The following FAM171A2 variants were observed in gnomAD, a reference collection of about 807,000 sequenced individuals.
FAM171A2 encodes the protein family with sequence similarity 171 member A2.
A neutral mutation model predicts 34.2 loss-of-function variants in FAM171A2; 13 were observed. That is an observed-to-expected ratio of 0.38 (90% CI 0.25 to 0.60). FAM171A2 has a LOEUF of 0.60. Among genes scored for constraint, FAM171A2 ranks in the 20% least tolerant of loss-of-function variants. The probability of loss-of-function intolerance (pLI) is 0.62; values close to 1 mark genes in which losing one functional copy is unlikely to be tolerated. For missense variants in FAM171A2, 950 were observed against 1,180.7 expected (o/e 0.80, Z 2.86); for synonymous variants, 475 against 561.2 (o/e 0.85, Z 2.17).
rs868817215 is a variant in FAM171A2, at chr17:44,363,837, C to A, written c.-123G>T. The A allele has an allele frequency of 2.7e-6, 1 of 365,106 alleles. No individual in the cohort carries two copies. 22.6% of individuals were successfully genotyped at this position (365,106 alleles called of 1,614,324 possible). A position where few individuals can be genotyped will look rare whatever the true frequency, so the allele number is the denominator to read the frequency against. ...CGGCTCCCGCTCCCGCTGCGGCGCC[C>A]GCTCAGCGCGATTGTCTCCGACCGG... is the stretch of plus-strand genomic sequence containing the variant. On this transcript the variant is annotated 5_prime_UTR_variant, in exon 1 of 8. Coordinates refer to ENST00000293443, the MANE Select transcript of FAM171A2 (RefSeq NM_198475.3).
Position 44,361,291 on chromosome 17 carries a change from C to T in FAM171A2, c.119-1159G>A, listed in dbSNP as rs548359512. The stretch of plus-strand genomic sequence containing the variant: ...CAGCCCCTCCCTCAAGAACACACTT[C>T]GCCCCTACCTTCCTGCTAACAAGGT... On this transcript the variant is annotated intron_variant, in intron 1 of 7. Transcript: ENST00000293443. Among the ~76,000 whole-genome samples, 33 of 152,342 alleles carry T rather than the reference C, an allele frequency of 2.2e-4. 2 individuals carry two copies. In the South Asian group the frequency reaches 6.2e-3, roughly 29 times the overall value.
In FAM171A2 at chr17:44,354,491, C is replaced by A. The variant is rs1243894741; in HGVS notation, c.1723G>T (p.Ala575Ser). 1.2e-5 allele frequency: 13 copies of A among 1,079,924 alleles called. No individual in the cohort carries two copies. The highest frequency in any genetic ancestry group is 1.5e-5 in the Non-Finnish European group (13 of 891,412). The allele number at this position is 1,079,924 out of a possible 1,614,324, so 66.9% of individuals were successfully genotyped here. ...CGCTGGGGGTCGGGCTGGGGAAAAG[C>A]GCGCGCCGGGCCGGGTGCCGTGCCC... ...PEGTAPGPARAFPQPDPQRPQ... is the reference protein window; with the variant it reads ...PEGTAPGPARSFPQPDPQRPQ... The change falls in exon 8 of 8, where the codon GCT (alanine) becomes TCT (serine). Residue 575 changes from alanine (A) to serine (S), a missense_variant. Physicochemically the swap from Ala to Ser is moderately conservative, Grantham distance 99 (BLOSUM62 1). Coordinates refer to ENST00000293443, the MANE Select transcript of FAM171A2 (RefSeq NM_198475.3). This position sits in a 1 kb window ranked among gnomAD's most constrained non-coding sequence, Gnocchi z 5.8.
rs371047701 is a variant in FAM171A2 at position 44,359,580 on chromosome 17, G to A, written c.438C>T (p.Pro146=). The A allele has an allele frequency of 1.9e-5, 29 of 1,551,032 alleles. No homozygotes were observed. In the African/African-American group the frequency reaches 2.1e-4, roughly 11 times the overall value. Residue 146 remains proline (P), a splice_region_variant and synonymous_variant, in exon 3 of 8, where the codon CCC becomes CCT. Coordinates refer to ENST00000293443, the MANE Select transcript of FAM171A2 (RefSeq NM_198475.3). The part of the protein sequence containing the change: ...EDLVHILLGS[P]GARSQPLVQF... Reference sequence around the variant, plus strand: ...GGCGTGGGTGAGGGGGAGCCTTACCGGGAGAGCCTAGGAGAATGTGCACCA... The same window carrying A: ...GGCGTGGGTGAGGGGGAGCCTTACCAGGAGAGCCTAGGAGAATGTGCACCA...
At position 44,355,186 on chromosome 17, in the gene FAM171A2, C is replaced by A. The variant is rs956596050; in HGVS notation, c.1028G>T (p.Arg343Leu). ...GTGCTGTTGCCTCGGCTTCAGGCAG[C>A]GCCTCCTGGAAGGGAGGGAGCAGAA... ...LCLLIYYCRR[R>L]CLKPRQQHRK... The change falls in exon 8 of 8, where the codon CGC becomes CTC. Residue 343 changes from arginine (R) to leucine (L), a missense_variant. Arg to Leu is a moderately radical substitution (Grantham distance 102). This residue lies in a region of FAM171A2 where 752 missense variants were observed against 924.5 expected (regional missense o/e 0.81). Coordinates refer to ENST00000293443, the MANE Select transcript of FAM171A2 (RefSeq NM_198475.3). The surrounding 1 kb of genome is among the most constrained non-coding windows in gnomAD (Gnocchi z 4.1). 2 of 1,550,298 alleles carry A rather than the reference C, an allele frequency of 1.3e-6. No individual in the cohort carries two copies. The highest frequency in any genetic ancestry group is 1.7e-6 in the Non-Finnish European group (2 of 1,146,752).
At chr17:44,360,439 T>C (rs2048443767) in intron 1 of FAM171A2, among the ~76,000 whole-genome samples, 1 of 152,242 alleles carries the variant, frequency 6.6e-6, no homozygotes, top group Admixed American at 6.5e-5. Flanking sequence ...CATTTCTTCC[T>C]TTCTTACTGG....
chr17:44,355,673 C>G lies in FAM171A2; in HGVS notation c.1022+42G>C. 1.9e-6 allele frequency: 3 copies of G among 1,549,704 alleles called. No homozygotes were observed. The highest frequency in any genetic ancestry group is 1.2e-5 in the South Asian group (1 of 83,966). The stretch of plus-strand genomic sequence containing the variant: ...TATGCATCTTTGGGGCCCCAGGGCC[C>G]GGTACAAGTGCAGGGGAGGGTGAGG... On this transcript the variant is annotated intron_variant, in intron 7 of 7. Transcript: ENST00000293443. The surrounding 1 kb of genome is among the most constrained non-coding windows in gnomAD (Gnocchi z 4.1).
rs2048412603 is a variant in FAM171A2 at position 44,354,747 on chromosome 17, C to T, written c.1467G>A (p.Gly489=). ...AGTCGGGGGTCTTGCCCTCGGCCGC[C>T]CCCTTGTGGCCCAGGTAGTGGTCGA... is the stretch of plus-strand genomic sequence containing the variant. ...PPFDHYLGHK[G]AAEGKTPDFL... The change falls in exon 8 of 8, where the codon GGG becomes GGA. Residue 489 remains glycine (G), a synonymous_variant. Coordinates refer to ENST00000293443, the MANE Select transcript of FAM171A2 (RefSeq NM_198475.3). The surrounding 1 kb of genome is among the most constrained non-coding windows in gnomAD (Gnocchi z 5.8). 1.5e-6 allele frequency: 2 copies of T among 1,309,130 alleles called. No individual in the cohort carries two copies. The highest frequency in any genetic ancestry group is 4.0e-5 in the Admixed American group (1 of 24,828). 81.1% of individuals were successfully genotyped at this position (1,309,130 alleles called of 1,614,324 possible). A position where few individuals can be genotyped will look rare whatever the true frequency, so the allele number is the denominator to read the frequency against.
intron 3 of FAM171A2, 58 bp from the exon 4 acceptor site, chr17:44,356,646 G>T: frequency 6.8e-7 from 1 of 1,469,892 alleles, no homozygotes; most frequent in South Asian, 1.4e-5. Flanking sequence ...CCAGGGACCA[G>T]AGCAGAAACC....
chr17:44,360,083 C>G lies in FAM171A2; in HGVS notation c.168G>C (p.Leu56=), dbSNP rs983855870. Residue 56 remains leucine, a synonymous_variant, in exon 2 of 8, where the codon CTG becomes CTC. Coordinates refer to ENST00000293443, the MANE Select transcript of FAM171A2 (RefSeq NM_198475.3). ...QVYVSGELVP[L]ARASVDVFGN... is the part of the protein sequence containing the mutation. ...CAAACACATCCACTGAGGCCCGGGC[C>G]AGGGGCACCAGCTCCCCGCTCACAT... is the stretch of plus-strand genomic sequence containing the variant. 6 of 1,551,598 alleles carry G rather than the reference C, an allele frequency of 3.9e-6. No homozygotes were observed. In the African/African-American group the frequency reaches 6.8e-5, roughly 18 times the overall value.
In FAM171A2 at chr17:44,353,526, G is replaced by GA. The variant is rs2048400204; in HGVS notation, c.*206dup. ...CCCGGCACCTCCCCGTGGGGGTCTG[G>GA]ACCCCCCCTCCTCCCCGGCTTGGAG... On this transcript the variant is annotated 3_prime_UTR_variant, in exon 8 of 8. Transcript: ENST00000293443. 1 of 291,766 alleles carries GA rather than the reference G, an allele frequency of 3.4e-6. No homozygotes were observed. The highest frequency in any genetic ancestry group is 6.0e-6 in the Non-Finnish European group (1 of 167,268). 18.1% of individuals were successfully genotyped at this position (291,766 alleles called of 1,614,324 possible). A position where few individuals can be genotyped will look rare whatever the true frequency, so the allele number is the denominator to read the frequency against.
chr17:44,359,445 C>G, intron 3 of FAM171A2, 134 bp downstream of exon 3: 1 of 718,782 alleles, frequency 1.4e-6, no homozygotes, highest in Non-Finnish European at 2.4e-6. Flanking sequence ...CCACGTCTTA[C>G]AAATGAGCAA....
intron 1 of FAM171A2, among the ~76,000 whole-genome samples, chr17:44,361,212 C>T (rs2048446588): frequency 6.6e-6 from 1 of 152,222 alleles, no homozygotes; most frequent in African/African-American, 2.4e-5. Context: ...TTGAGTTGTT[C>T]CCATGGATTC....
At chr17:44,362,999 T>C (rs1331536919) in intron 1 of FAM171A2, among the ~76,000 whole-genome samples, 1 of 152,192 alleles carries the variant, frequency 6.6e-6, no homozygotes, top group Non-Finnish European at 1.5e-5. Flanking sequence ...CAAGCATTTA[T>C]TTGGTGCACC....
intron 3 of FAM171A2, among the ~76,000 whole-genome samples, chr17:44,357,234 C>G (rs531365972): frequency 7.9e-4 from 120 of 151,808 alleles, no homozygotes; most frequent in African/African-American, 2.8e-3. Context: ...GTAATCCCAG[C>G]TGCTCGTGAG....
At position 44,353,402 on chromosome 17, in the gene FAM171A2, C is replaced by T. The variant is rs561722330; in HGVS notation, c.*331G>A. ...GCCCCCTCCCTTCCCAGCCCTCACA[C>T]TAGCAGCTGAGGCTGGGTCACCCCT... On this transcript the variant is annotated 3_prime_UTR_variant, in exon 8 of 8. Coordinates refer to ENST00000293443, the MANE Select transcript of FAM171A2 (RefSeq NM_198475.3). 1.8e-3 allele frequency: 306 copies of T among 172,470 alleles called. No individual in the cohort carries two copies. The highest frequency in any genetic ancestry group is 7.1e-3 in the African/African-American group (298 of 41,908). The allele number at this position is 172,470 out of a possible 1,614,324, so 10.7% of individuals were successfully genotyped here.
chr17:44,355,677 A>T lies in FAM171A2; in HGVS notation c.1022+38T>A, dbSNP rs2048419373. On this transcript the variant is annotated intron_variant, in intron 7 of 7. Transcript: ENST00000293443. This position sits in a 1 kb window ranked among gnomAD's most constrained non-coding sequence, Gnocchi z 4.1. ...CATCTTTGGGGCCCCAGGGCCCGGT[A>T]CAAGTGCAGGGGAGGGTGAGGGAAG... 1 of 1,550,424 alleles carries T rather than the reference A, an allele frequency of 6.4e-7. No individual in the cohort carries two copies. The highest frequency in any genetic ancestry group is 2.0e-5 in the Admixed American group (1 of 50,980).
chr17:44,357,758 T>TGTGTGTGTGTGTGTGTGTG (rs61464829), intron 3 of FAM171A2, among the ~76,000 whole-genome samples: 62 of 148,944 alleles, frequency 4.2e-4, no homozygotes, highest in East Asian at 2.2e-3. Context: ...TGTGTGTGTG[T>TGTGTGTGTGTGTGTGTGTG]TGGGGTGGAG....
In FAM171A2 at chr17:44,356,036, C is replaced by T. The variant is rs1217944465; in HGVS notation, c.817G>A (p.Glu273Lys). 2 of 1,548,590 alleles carry T rather than the reference C, an allele frequency of 1.3e-6. No individual in the cohort carries two copies. Among genetic ancestry groups the T allele is most frequent in the South Asian group, 2.4e-5 (2 of 83,610 alleles). ...VRNGTGVIRK[E>K]GRQLYWTFVS... is the part of the protein sequence containing the mutation. ...AAGGTCCAGTAGAGCTGCCGGCCTT[C>T]CTTCCGGATTACACCAGTGCCATTG... Residue 273 changes from glutamate to lysine, a missense_variant, in exon 6 of 8, where the codon GAA becomes AAA. Coordinates refer to ENST00000293443, the MANE Select transcript of FAM171A2 (RefSeq NM_198475.3).
At position 44,354,105 on chromosome 17, in the gene FAM171A2, C is replaced by A. The variant is rs2048406758; in HGVS notation, c.2109G>T (p.Ala703=). The change falls in exon 8 of 8, where the codon GCG becomes GCT. Residue 703 remains alanine, a synonymous_variant. Transcript: ENST00000293443. This position sits in a 1 kb window ranked among gnomAD's most constrained non-coding sequence, Gnocchi z 5.8. The stretch of plus-strand genomic sequence containing the variant: ...GCGGGGCGCGCTCCCGCTCCTCCCT[C>A]GCGGGCCGGCGGCGCGCGGGCCGCG... ...HEARPARRRP[A]REERERAPPA... is the part of the protein sequence containing the mutation. The A allele has an allele frequency of 1.8e-6, 2 of 1,124,460 alleles. No individual in the cohort carries two copies. The highest frequency in any genetic ancestry group is 1.1e-6 in the Non-Finnish European group (1 of 918,712). The allele number at this position is 1,124,460 out of a possible 1,614,324, so 69.7% of individuals were successfully genotyped here. A position where few individuals can be genotyped will look rare whatever the true frequency, so the allele number is the denominator to read the frequency against.
Sources: allele counts gnomAD v4.1 joint callset (sites outside exome capture counted in the v4.1 genomes callset), GRCh38; gene constraint gnomAD v4.1.1; regional missense constraint gnomAD v4.1.1; non-coding constraint Gnocchi (gnomAD v3.1); transcripts MANE v1.5; gene names NCBI Gene and HGNC (gene_info 2026-07-23, HGNC 2026-07-21).